ATP10A: variants seen among roughly 807,000 people sequenced by gnomAD.
The protein encoded by ATP10A is phospholipid-transporting ATPase VA.
ATP10A carries 111 observed loss-of-function variants against 147.8 expected under a neutral mutation model. The observed-to-expected ratio is 0.75, with a 90% CI of 0.64 to 0.88. ATP10A has a LOEUF of 0.88. Among genes scored for constraint, ATP10A ranks in the 40% least tolerant of loss-of-function variants. ATP10A has a pLI of 0.00. For synonymous variants in ATP10A, 875 were observed against 841.6 expected, an observed-to-expected ratio of 1.04 and a Z score of -0.69; for missense variants, 1,927 against 1,959.0, an observed-to-expected ratio of 0.98 and a Z score of 0.31.
chr15:25,683,318 G>C lies in ATP10A; in HGVS notation c.3460C>G (p.Pro1154Ala), dbSNP rs771360220. 1.2e-6 allele frequency: 2 copies of C among 1,614,134 alleles called. No individual in the cohort carries two copies. Among genetic ancestry groups the C allele is most frequent in the East Asian group, 2.2e-5 (1 of 44,880 alleles). ...DVPANVLLTN[P>A]QLYKSGQNME... is the part of the protein sequence containing the mutation. Reference sequence around the variant, plus strand: ...TTCTGGCCACTCTTGTAGAGCTGCGGGTTGGTCAGCAGCACATTGGCTGGC... The same window carrying C: ...TTCTGGCCACTCTTGTAGAGCTGCGCGTTGGTCAGCAGCACATTGGCTGGC... The change falls in exon 17 of 21, where the codon CCG becomes GCG. Residue 1154 changes from proline (P) to alanine (A), a missense_variant. Transcript: ENST00000555815.
intron 1 of ATP10A, among the ~76,000 whole-genome samples, chr15:25,797,248 G>A (rs907382586): frequency 6.6e-6 from 1 of 152,170 alleles, no homozygotes; most frequent in African/African-American, 2.4e-5. Flanking sequence ...TTATTTCACT[G>A]AACATAATGT....
chr15:25,810,013 C>A (rs72707948), intron 1 of ATP10A, among the ~76,000 whole-genome samples: 80 of 139,254 alleles, frequency 5.7e-4, no homozygotes, highest in Non-Finnish European at 6.0e-4. Context: ...AAGGTCATTA[C>A]AAAAAAAAAA....
chr15:25,841,655 GACTC>G (rs1368029479), intron 1 of ATP10A: 8 of 151,238 alleles, frequency 5.3e-5, no homozygotes, highest in African/African-American at 1.9e-4. Flanking sequence ...AGAGAAAACT[GACTC>G]ACTATTATGT....
chr15:25,853,433 T>G (rs1893375005), intron 1 of ATP10A, among the ~76,000 whole-genome samples: 1 of 152,190 alleles, frequency 6.6e-6, no homozygotes, highest in African/African-American at 2.4e-5. Context: ...TTTAAAAGGT[T>G]CTTCCAAACA....
At chr15:25,718,536 T>G in intron 7 of ATP10A, 137 bp from the exon 8 acceptor site, 4 of 846,402 alleles carry the variant, frequency 4.7e-6, no homozygotes, top group Non-Finnish European at 7.4e-6. Context: ...TGCTCTCTAA[T>G]AGCAAGGCAC....
intron 1 of ATP10A, among the ~76,000 whole-genome samples, chr15:25,852,373 G>T (rs1893334100): frequency 6.6e-6 from 1 of 152,174 alleles, no homozygotes; most frequent in Admixed American, 6.5e-5. Context: ...GAAGAGAAAT[G>T]CATTCTGCCT....
chr15:25,792,470 A>G (rs534730857), intron 1 of ATP10A, among the ~76,000 whole-genome samples: 1 of 152,212 alleles, frequency 6.6e-6, no homozygotes, highest in South Asian at 2.1e-4. Context: ...CTCAACAAAC[A>G]CCCATGCAGG....
At chr15:25,681,186 A>AC in intron 17 of ATP10A, 112 bp from the exon 18 acceptor site, 13 of 1,093,254 alleles carry the variant, frequency 1.2e-5, no homozygotes, top group African/African-American at 1.6e-5. Flanking sequence ...AATAACAACA[A>AC]AAACCCACCC....
At chr15:25,788,937 A>G (rs941193070) in intron 1 of ATP10A, among the ~76,000 whole-genome samples, 1 of 152,180 alleles carries the variant, frequency 6.6e-6, no homozygotes, top group Non-Finnish European at 1.5e-5. Context: ...CTTATAGATG[A>G]AACAGGTAAT....
At chr15:25,826,120 C>T (rs1247235015) in intron 1 of ATP10A, among the ~76,000 whole-genome samples, 2 of 152,090 alleles carry the variant, frequency 1.3e-5, no homozygotes, top group African/African-American at 4.8e-5. Flanking sequence ...ATTGAGATTG[C>T]TCAGTATGAT....
chr15:25,802,310 A>G (rs919438445), intron 1 of ATP10A, among the ~76,000 whole-genome samples: 2 of 152,138 alleles, frequency 1.3e-5, no homozygotes, highest in African/African-American at 4.8e-5. Context: ...CTTGAGGACC[A>G]TGTTCCTCAG....
At chr15:25,751,938 A>T (rs1888175509) in intron 2 of ATP10A, among the ~76,000 whole-genome samples, 1 of 152,154 alleles carries the variant, frequency 6.6e-6, no homozygotes, top group Non-Finnish European at 1.5e-5. Flanking sequence ...GTCATTAGGA[A>T]AATGCAAATT....
chr15:25,786,792 G>A (rs866215073), intron 1 of ATP10A, among the ~76,000 whole-genome samples: 2 of 135,296 alleles, frequency 1.5e-5, no homozygotes, highest in African/African-American at 5.5e-5. Context: ...TGCCCAGCTA[G>A]TTTTTTTTTT....
chr15:25,796,940 G>A (rs1381784914), intron 1 of ATP10A, among the ~76,000 whole-genome samples: 1 of 152,172 alleles, frequency 6.6e-6, no homozygotes, highest in Non-Finnish European at 1.5e-5. Flanking sequence ...ACTGTGGTAT[G>A]GTTAAATCAA....
intron 3 of ATP10A, among the ~76,000 whole-genome samples, chr15:25,730,915 G>A (rs982514485): frequency 3.3e-5 from 5 of 152,156 alleles, no homozygotes; most frequent in South Asian, 2.1e-4. Context: ...GTGGCAAGGC[G>A]AAATTAAAAC....
intron 2 of ATP10A, among the ~76,000 whole-genome samples, chr15:25,757,707 A>G (rs1031724533): frequency 6.6e-6 from 1 of 152,220 alleles, no homozygotes. Context: ...TGTGGTCAAA[A>G]TTGTTAGATA....
At chr15:25,681,291 T>A (rs1899396970) in intron 17 of ATP10A, among the ~76,000 whole-genome samples, 1 of 152,190 alleles carries the variant, frequency 6.6e-6, no homozygotes. Flanking sequence ...AATATATCTA[T>A]AAGGACATGT....
Position 25,751,185 on chromosome 15 carries a change from A to G in ATP10A, c.655-15044T>C, listed in dbSNP as rs1160489380. ...TAAAATGGCTATATTGCTATCAGAC[A>G]AAGTAAGTTTCAAAGCAGAGAATAT... On this transcript the variant is annotated intron_variant, in intron 2 of 20. Transcript: ENST00000555815. Among the ~76,000 whole-genome samples, 4 of 152,288 alleles carry G rather than the reference A, an allele frequency of 2.6e-5. No individual in the cohort carries two copies. In the South Asian group the frequency reaches 8.3e-4, roughly 32 times the overall value.
intron 12 of ATP10A, among the ~76,000 whole-genome samples, chr15:25,706,798 C>G (rs1234238520): frequency 1.3e-5 from 2 of 152,186 alleles, no homozygotes; most frequent in Non-Finnish European, 2.9e-5. Context: ...GGGGAAGGTG[C>G]CCCACAGTGA....
Sources: allele counts gnomAD v4.1 joint callset (sites outside exome capture counted in the v4.1 genomes callset), GRCh38; gene constraint gnomAD v4.1.1; transcripts MANE v1.5; gene names NCBI Gene and HGNC (gene_info 2026-07-23, HGNC 2026-07-21).